Variants in SRGAP3 observed in about 807,000 individuals in gnomAD.
SRGAP3 encodes SLIT-ROBO Rho GTPase-activating protein 3.
Under a neutral mutation model 121.1 loss-of-function variants are expected in SRGAP3, and 39 were observed. The observed-to-expected ratio is 0.32, with a 90% confidence interval of 0.25 to 0.42. SRGAP3 has a LOEUF of 0.42. Among genes scored for constraint, SRGAP3 ranks in the 10% least tolerant of loss-of-function variants. SRGAP3 has a pLI of 1.00. For synonymous variants in SRGAP3, 601 were observed against 570.0 expected, an observed-to-expected ratio of 1.05 and a Z score of -0.77; for missense variants, 1,213 against 1,470.6, an observed-to-expected ratio of 0.82 and a Z score of 2.86.
At chr3:9,279,722 C>T (rs1310609091) in intron 3 of SRGAP3, among the ~76,000 whole-genome samples, 1 of 151,938 alleles carries the variant, frequency 6.6e-6, no homozygotes, top group Non-Finnish European at 1.5e-5. Context: ...ACCATCTTGA[C>T]CAAGCTGGTC....
In SRGAP3 at chr3:9,090,447, G is replaced by T. The variant is rs944311287; in HGVS notation, c.424-10360C>A. On this transcript the variant is annotated intron_variant, in intron 3 of 21. Transcript: ENST00000383836. ...AGTGAACATTAATTCATGTCAAGATGAAATCAGCTGATGAAGTTCTTGACA... is the reference window on the plus strand; with the variant it reads ...AGTGAACATTAATTCATGTCAAGATTAAATCAGCTGATGAAGTTCTTGACA... 9.2e-5 allele frequency among the ~76,000 whole-genome samples: 14 copies of T among 151,894 alleles called. 1 individual carries two copies. Among genetic ancestry groups the T allele is most frequent in the African/African-American group, 3.4e-4 (14 of 41,348 alleles).
At chr3:9,215,891 C>A (rs904288393) in intron 1 of SRGAP3, among the ~76,000 whole-genome samples, 1 of 152,206 alleles carries the variant, frequency 6.6e-6, no homozygotes, top group Non-Finnish European at 1.5e-5. Context: ...CACTGGCCAA[C>A]GCTCCTGGAT....
chr3:8,992,877 C>T, intron 20 of SRGAP3, 29 bp downstream of exon 20: 1 of 1,614,048 alleles, frequency 6.2e-7, no homozygotes, highest in Non-Finnish European at 8.5e-7. Context: ...TTGACACCAG[C>T]AGGGAAAAAA....
At chr3:9,169,701 T>C (rs1025765522) in intron 1 of SRGAP3, among the ~76,000 whole-genome samples, 1 of 152,252 alleles carries the variant, frequency 6.6e-6, no homozygotes, top group Non-Finnish European at 1.5e-5. Flanking sequence ...AAGTTGACAA[T>C]GGCTTTGAAT....
chr3:9,090,494 A>G (rs997501827), intron 3 of SRGAP3, among the ~76,000 whole-genome samples: 4 of 151,932 alleles, frequency 2.6e-5, no homozygotes, highest in African/African-American at 9.7e-5. Context: ...GAATTAAATC[A>G]TTTCCTTTGC....
In SRGAP3 at chr3:9,126,918, T is replaced by A. The variant is rs77774725; in HGVS notation, c.68-2001A>T. Among the ~76,000 whole-genome samples, 354 of 152,328 alleles carry A rather than the reference T, an allele frequency of 2.3e-3. 1 individual carries two copies. The highest frequency in any genetic ancestry group is 7.8e-3 in the African/African-American group (326 of 41,572). ...CAAAATTACACTTGTACTCCATAAA[T>A]TTATACGTAAATAAATACATGTACA... On this transcript the variant is annotated intron_variant, in intron 1 of 21. Coordinates refer to ENST00000383836, the MANE Select transcript of SRGAP3 (RefSeq NM_014850.4).
chr3:9,118,821 C>T (rs892433660), intron 2 of SRGAP3, among the ~76,000 whole-genome samples: 4 of 152,154 alleles, frequency 2.6e-5, no homozygotes, highest in African/African-American at 9.7e-5. Context: ...TGGCACAGTC[C>T]ACACTCTGTC....
At position 8,985,777 on chromosome 3, in the gene SRGAP3, GTGAAGGGGACTGGCGGGCTCCGAGC is replaced by G; in HGVS notation, c.3017_3041del (p.Ser1006ThrfsTer22). On this transcript the variant is annotated frameshift_variant, in exon 22 of 22. Transcript: ENST00000383836. LOFTEE classifies it high-confidence loss of function. The surrounding 1 kb of genome is among the most constrained non-coding windows in gnomAD (Gnocchi z 5.1). The stretch of plus-strand genomic sequence containing the variant: ...CATCGGGGTCGCGGATGACGATGGT[GTGAAGGGGACTGGCGGGCTCCGAGC>G]TGACGGGGCCTGGCGGGTTCTTCAG... 1 of 1,600,382 alleles carries G rather than the reference GTGAAGGGGACTGGCGGGCTCCGAGC, an allele frequency of 6.2e-7. No individual in the cohort carries two copies. Among genetic ancestry groups the G allele is most frequent in the Non-Finnish European group, 8.5e-7 (1 of 1,179,882 alleles).
chr3:9,146,035 C>G (rs1007021170), intron 1 of SRGAP3, among the ~76,000 whole-genome samples: 2 of 152,194 alleles, frequency 1.3e-5, no homozygotes, highest in African/African-American at 4.8e-5. Context: ...GGGGCTTAGG[C>G]CTTACCCCAC....
intron 3 of SRGAP3, among the ~76,000 whole-genome samples, chr3:9,291,810 A>T (rs1326793687): frequency 6.6e-6 from 1 of 152,178 alleles, no homozygotes; most frequent in Non-Finnish European, 1.5e-5. Context: ...CCTTTCAGCA[A>T]ATGGAAAATT....
At chr3:9,129,795 T>C (rs1949375792) in intron 1 of SRGAP3, among the ~76,000 whole-genome samples, 1 of 151,748 alleles carries the variant, frequency 6.6e-6, no homozygotes, top group Admixed American at 6.6e-5. Context: ...AGAGTCTTGC[T>C]CTGTCGCCCA....
chr3:9,276,088 T>A (rs915889620), intron 3 of SRGAP3, among the ~76,000 whole-genome samples: 1 of 152,118 alleles, frequency 6.6e-6, no homozygotes, highest in Non-Finnish European at 1.5e-5. Context: ...GTTATAAACA[T>A]GTATTGAATG....
rs758327670 is a variant in SRGAP3, at chr3:9,271,489, C to G, written n.442+54521G>C. 8.5e-5 allele frequency among the ~76,000 whole-genome samples: 13 copies of G among 152,206 alleles called. 1 individual carries two copies. Among genetic ancestry groups the G allele is most frequent in the Non-Finnish European group, 1.8e-4 (12 of 68,020 alleles). ...GACCATGGGGCAGAGGATCCCACCCCCTTACCTCCCTGTGGATAATTCAGA... is the reference window on the plus strand; with the variant it reads ...GACCATGGGGCAGAGGATCCCACCCGCTTACCTCCCTGTGGATAATTCAGA... On this transcript the variant is annotated intron_variant and non_coding_transcript_variant, in intron 3 of 3. Transcript: ENST00000490889.
At chr3:9,300,986 C>G (rs1035255202) in intron 3 of SRGAP3, among the ~76,000 whole-genome samples, 2 of 152,166 alleles carry the variant, frequency 1.3e-5, no homozygotes, top group African/African-American at 4.8e-5. Flanking sequence ...TGCCCACTCC[C>G]ACCCCTCCCA....
intron 3 of SRGAP3, among the ~76,000 whole-genome samples, chr3:9,282,061 C>T (rs1292852375): frequency 2.6e-5 from 4 of 152,224 alleles, no homozygotes; most frequent in Non-Finnish European, 5.9e-5. Context: ...TACCTCTTTC[C>T]AAACCCTGTC....
intron 10 of SRGAP3, among the ~76,000 whole-genome samples, chr3:9,038,506 CA>C (rs1293176424): frequency 6.6e-6 from 1 of 152,192 alleles, no homozygotes. Flanking sequence ...TCCCAAAGTT[CA>C]AAAACTCCTG....
At chr3:9,130,868 T>C (rs1949418841) in intron 1 of SRGAP3, among the ~76,000 whole-genome samples, 1 of 152,212 alleles carries the variant, frequency 6.6e-6, no homozygotes, top group African/African-American at 2.4e-5. Flanking sequence ...ATAAATCACA[T>C]CGTGATGACA....
chr3:9,249,107 T>C lies in SRGAP3; in HGVS notation c.-156A>G. 1.3e-6 allele frequency: 1 copy of C among 750,810 alleles called. No homozygotes were observed. Among genetic ancestry groups the C allele is most frequent in the Non-Finnish European group, 2.3e-6 (1 of 436,204 alleles). 46.5% of individuals were successfully genotyped at this position (750,810 alleles called of 1,614,324 possible). On this transcript the variant is annotated 5_prime_UTR_variant, in exon 1 of 22. Transcript: ENST00000383836. ...CTTGGCTGCAGAGCAGGGAGAAAAA[T>C]CCTTCTCCTTCTGGAAGGAAAAATC...
At chr3:9,352,486 C>T (rs1575029498) in intron 1 of SRGAP3, among the ~76,000 whole-genome samples, 1 of 152,186 alleles carries the variant, frequency 6.6e-6, no homozygotes. Flanking sequence ...GTTGACCAGG[C>T]TGGTCTCAAA....
Sources: gnomAD v4.1 joint callset for allele counts (sites outside exome capture counted in the v4.1 genomes callset) on GRCh38, gnomAD v4.1.1 for gene constraint, Gnocchi (gnomAD v3.1) non-coding constraint, MANE v1.5 for transcripts, NCBI Gene and HGNC (gene_info 2026-07-23, HGNC 2026-07-21) for gene names.